Variants in HMGXB3 observed in about 807,000 individuals in gnomAD.
HMGXB3 encodes HMG domain-containing protein 3.
In HMGXB3, 45 loss-of-function variants were observed where a neutral mutation model predicts 121.5. The ratio of observed to expected loss-of-function variants is 0.37; its 90% CI spans 0.29 to 0.47. The LOEUF is 0.47. Ranked by LOEUF, HMGXB3 falls within the 20% of genes least tolerant of loss-of-function variation. The pLI is 0.99. For missense variants in HMGXB3, 1,376 were observed against 1,602.2 expected, an observed-to-expected ratio of 0.86 and a Z score of 2.41; for synonymous variants, 590 against 624.1, an observed-to-expected ratio of 0.95 and a Z score of 0.81.
rs1043928826 is a variant in HMGXB3 at position 150,052,284 on chromosome 5, T to C, written c.*92T>C. 16 of 1,045,502 alleles carry C rather than the reference T, an allele frequency of 1.5e-5. No individual in the cohort carries two copies. The highest frequency in any genetic ancestry group is 2.6e-5 in the East Asian group (1 of 38,306). 64.8% of individuals were successfully genotyped at this position (1,045,502 alleles called of 1,614,324 possible). ...CTATCCAGGGGACCTGCAGAAGTGG[T>C]CTCCTGTGGGGAGGGCCTCTGACTG... On this transcript the variant is annotated 3_prime_UTR_variant, in exon 20 of 20. Transcript: ENST00000502717.
Position 150,006,387 on chromosome 5 carries a change from G to A in HMGXB3, c.138-86G>A, listed in dbSNP as rs541470329. ...ACTTACTGGTTGAATGAAGTCCTGGGTCGAGGGATGGGGAGTGGGAAGTGG... is the reference window on the plus strand; with the variant it reads ...ACTTACTGGTTGAATGAAGTCCTGGATCGAGGGATGGGGAGTGGGAAGTGG... On this transcript the variant is annotated intron_variant, in intron 2 of 19. Coordinates refer to ENST00000502717, the MANE Select transcript of HMGXB3 (RefSeq NM_014983.3). 2.5e-6 allele frequency: 3 copies of A among 1,198,174 alleles called. No homozygotes were observed. The South Asian group carries it at 4.6e-5, about 18-fold the overall frequency. 74.2% of individuals were successfully genotyped at this position (1,198,174 alleles called of 1,614,324 possible).
chr5:150,031,845 C>G (rs1310836414), intron 10 of HMGXB3, among the ~76,000 whole-genome samples: 1 of 152,076 alleles, frequency 6.6e-6, no homozygotes, highest in Non-Finnish European at 1.5e-5. Context: ...TGACCTGATC[C>G]ATAAGGAGAA....
At chr5:150,014,567 C>G (rs1287841625) in intron 5 of HMGXB3, among the ~76,000 whole-genome samples, 1 of 152,160 alleles carries the variant, frequency 6.6e-6, no homozygotes, top group Non-Finnish European at 1.5e-5. Context: ...ATCTAAAGCA[C>G]GAATGTGGAA....
In HMGXB3 at chr5:150,048,557, C is replaced by A. The variant is rs1162461534; in HGVS notation, c.3085-12C>A. 3.9e-6 allele frequency: 6 copies of A among 1,533,188 alleles called. No homozygotes were observed. The highest frequency in any genetic ancestry group is 5.3e-6 in the Non-Finnish European group (6 of 1,129,982). The allele number at this position is 1,533,188 out of a possible 1,614,324, so 95.0% of individuals were successfully genotyped here. ...TCGCCCTTATGTTTTTAATCTTGTC[C>A]TTCTACTCCAGGACCAGCTCTGCTT... On this transcript the variant is annotated splice_polypyrimidine_tract_variant and intron_variant, in intron 17 of 19. Transcript: ENST00000502717.
intron 18 of HMGXB3, among the ~76,000 whole-genome samples, chr5:150,049,870 G>T (rs913685921): frequency 7.9e-5 from 12 of 152,224 alleles, no homozygotes; most frequent in African/African-American, 1.9e-4. Context: ...AGAGACCTTA[G>T]TTTCTTAGGT....
At chr5:150,031,364 T>C (rs1756373991) in intron 10 of HMGXB3, among the ~76,000 whole-genome samples, 1 of 152,276 alleles carries the variant, frequency 6.6e-6, no homozygotes, top group South Asian at 2.1e-4. Context: ...ATGTGTGACA[T>C]TGGGATCACC....
chr5:150,051,610 C>T (rs1310777521), intron 19 of HMGXB3, 115 bp from the exon 20 acceptor site: 3 of 828,798 alleles, frequency 3.6e-6, no homozygotes, highest in Non-Finnish European at 5.5e-6. Context: ...AGACACAGTA[C>T]ATGGTGATGT....
rs950788263 is a variant in HMGXB3, at chr5:150,006,713, A to G, written c.312+66A>G. ...AGTGATGAAGGCCTTGGGAAAACCA[A>G]GCCCCTTGTTCTGTTTCCTTTTCTT... On this transcript the variant is annotated intron_variant, in intron 3 of 19. Transcript: ENST00000502717. 2.2e-6 allele frequency: 3 copies of G among 1,364,082 alleles called. No homozygotes were observed. In the African/African-American group the frequency reaches 4.4e-5, roughly 20 times the overall value. The allele number at this position is 1,364,082 out of a possible 1,614,324, so 84.5% of individuals were successfully genotyped here.
At chr5:150,037,367 CT>C (rs770330936) in intron 12 of HMGXB3, 32 bp from the exon 13 acceptor site, 443 of 1,457,006 alleles carry the variant, frequency 3.0e-4, no homozygotes, top group South Asian at 1.0e-3. Flanking sequence ...TCTTTCCCTT[CT>C]TTTTTTTTGT....
At chr5:150,033,477 G>GGATAAGGATAAGTGTGAGT (rs1297021019) in intron 11 of HMGXB3, among the ~76,000 whole-genome samples, 1 of 152,150 alleles carries the variant, frequency 6.6e-6, no homozygotes, top group Non-Finnish European at 1.5e-5. Context: ...GTGTGAGTAT[G>GGATAAGGATAAGTGTGAGT]GATAAGGATA....
chr5:150,040,923 C>T (rs913693939), intron 14 of HMGXB3, 44 bp downstream of exon 14: 1 of 1,469,938 alleles, frequency 6.8e-7, no homozygotes, highest in African/African-American at 1.5e-5. Context: ...GTCCTAAGCT[C>T]CCTCGGAATT....
At chr5:150,019,387 T>C (rs1756034199) in intron 6 of HMGXB3, among the ~76,000 whole-genome samples, 1 of 152,258 alleles carries the variant, frequency 6.6e-6, no homozygotes, top group Admixed American at 6.5e-5. Flanking sequence ...ATGACCTTGG[T>C]ATCTCCCACA....
In HMGXB3 at chr5:150,042,271, T is replaced by C. The variant is rs76794788; in HGVS notation, c.2730+302T>C. Among the ~76,000 whole-genome samples, 894 of 152,334 alleles carry C rather than the reference T, an allele frequency of 5.9e-3. 30 individuals carry two copies. Among genetic ancestry groups the C allele is most frequent in the Admixed American group, 0.038 (578 of 15,304 alleles). On this transcript the variant is annotated intron_variant, in intron 15 of 19. Coordinates refer to ENST00000502717, the MANE Select transcript of HMGXB3 (RefSeq NM_014983.3). ...TTTTAGACACCTGGGAGATAGTAGT[T>C]AAACAAAGTTTCTGTCCTCATGGAG... is the stretch of plus-strand genomic sequence containing the variant.
rs1755807407 is a variant in HMGXB3 at position 150,010,592 on chromosome 5, T to C, written c.794T>C (p.Val265Ala). The C allele has an allele frequency of 6.4e-7, 1 of 1,550,624 alleles. No individual in the cohort carries two copies. The highest frequency in any genetic ancestry group is 2.0e-5 in the Admixed American group (1 of 50,966). The change falls in exon 4 of 20, where the codon GTG becomes GCG. Residue 265 changes from valine to alanine, a missense_variant. Physicochemically the swap from Val to Ala is moderately conservative, Grantham distance 64 (BLOSUM62 0). This residue lies in a region of HMGXB3 where 1,116 missense variants were observed against 1,369.0 expected (regional missense o/e 0.82). Transcript: ENST00000502717. ...PHPQVGESVS[V>A]VTVMRDSSES... ...CCCCAGGTTGGGGAGAGTGTATCAG[T>C]GGTAACAGTCATGAGGGTAAGTGGC...
chr5:150,032,634 G>C, intron 11 of HMGXB3, 31 bp downstream of exon 11: 1 of 1,551,422 alleles, frequency 6.4e-7, no homozygotes. Flanking sequence ...ACATCCCCTG[G>C]CCTGTTCTGG....
At chr5:150,019,496 C>T (rs1756037561) in intron 6 of HMGXB3, among the ~76,000 whole-genome samples, 1 of 152,160 alleles carries the variant, frequency 6.6e-6, no homozygotes, top group African/African-American at 2.4e-5. Flanking sequence ...ATGCTTGGTG[C>T]GAACTAGATA....
chr5:150,036,641 G>A lies in HMGXB3; in HGVS notation c.1989G>A (p.Val663=), dbSNP rs1177555661. 6.5e-7 allele frequency: 1 copy of A among 1,540,708 alleles called. No individual in the cohort carries two copies. The highest frequency in any genetic ancestry group is 1.4e-5 in the African/African-American group (1 of 72,912). ...TCAATCCACTCTCTTCCCAGGAGGT[G>A]AGCTCACCACTCCCAGATGTACTGA... is the stretch of plus-strand genomic sequence containing the variant. The part of the protein sequence containing the change: ...RTEKTTKAIE[V]SSPLPDVLNA... The change falls in exon 12 of 20, where the codon GTG becomes GTA. Residue 663 remains valine, a synonymous_variant. Transcript: ENST00000502717.
chr5:150,051,753 A>G lies in HMGXB3; in HGVS notation c.3440A>G (p.Gln1147Arg), dbSNP rs1284219898. The change falls in exon 20 of 20, where the codon CAG becomes CGG. Residue 1147 changes from glutamine (Q) to arginine (R), a missense_variant. Physicochemically the swap from Gln to Arg is conservative, Grantham distance 43. Around this residue, in one of 2 missense-constraint regions of HMGXB3, gnomAD observed 260 missense variants for 233.2 expected, o/e 1.11. Coordinates refer to ENST00000502717, the MANE Select transcript of HMGXB3 (RefSeq NM_014983.3). The part of the protein sequence containing the change: ...VSVSCPELLD[Q>R]HYTVDMTETE... ...GTGTCCTGCCCAGAGCTCTTGGACC[A>G]GCATTATACTGTGGACATGACAGAA... The G allele has an allele frequency of 1.2e-5, 18 of 1,533,810 alleles. No individual in the cohort carries two copies. The highest frequency in any genetic ancestry group is 1.6e-5 in the Non-Finnish European group (18 of 1,141,170).
At chr5:150,043,107 G>A (rs578057393) in intron 15 of HMGXB3, among the ~76,000 whole-genome samples, 56 of 152,264 alleles carry the variant, frequency 3.7e-4, no homozygotes, top group East Asian at 9.6e-4. Context: ...CTACTTAACC[G>A]ATTAAAGGGG....
Sources: allele counts gnomAD v4.1 joint callset (sites outside exome capture counted in the v4.1 genomes callset), GRCh38; gene constraint gnomAD v4.1.1; regional missense constraint gnomAD v4.1.1; transcripts MANE v1.5; gene names NCBI Gene and HGNC (gene_info 2026-07-23, HGNC 2026-07-21).